DNER: variants seen among roughly 807,000 people sequenced by gnomAD.
DNER encodes the protein delta/notch like EGF repeat containing.
Under a neutral mutation model 78.2 loss-of-function variants are expected in DNER, and 33 were observed. That is an observed-to-expected ratio of 0.42 (90% CI 0.32 to 0.56). DNER has a LOEUF of 0.56. Among genes scored for constraint, DNER ranks in the 20% least tolerant of loss-of-function variants. The pLI is 0.11. For missense variants in DNER, 918 were observed against 975.3 expected (o/e 0.94, Z 0.78); for synonymous variants, 417 against 384.8 (o/e 1.08, Z -0.98).
At chr2:229,512,209 C>T (rs540504737) in intron 6 of DNER, among the ~76,000 whole-genome samples, 1 of 151,870 alleles carries the variant, frequency 6.6e-6, no homozygotes, top group African/African-American at 2.4e-5. Context: ...ATGATGAAAC[C>T]CCATCTCTAC....
At chr2:229,614,058 A>G (rs2154215277) in intron 1 of DNER, among the ~76,000 whole-genome samples, 1 of 151,800 alleles carries the variant, frequency 6.6e-6, no homozygotes, top group African/African-American at 2.4e-5. Context: ...GGATAGCATT[A>G]GGAGATATAC....
intron 12 of DNER, among the ~76,000 whole-genome samples, chr2:229,366,248 G>C (rs1443075609): frequency 1.3e-5 from 2 of 152,188 alleles, no homozygotes; most frequent in Non-Finnish European, 2.9e-5. Context: ...AGGAGGGAGA[G>C]TTATCCCTTT....
At chr2:229,438,882 TTCAG>T (rs1559351941) in intron 8 of DNER, among the ~76,000 whole-genome samples, 1 of 152,208 alleles carries the variant, frequency 6.6e-6, no homozygotes, top group East Asian at 1.9e-4. Flanking sequence ...AGAAAAATTT[TTCAG>T]TCAGTTATTT....
chr2:229,507,590 G>C (rs1695771129), intron 6 of DNER, among the ~76,000 whole-genome samples: 1 of 152,176 alleles, frequency 6.6e-6, no homozygotes, highest in Non-Finnish European at 1.5e-5. Flanking sequence ...CAGCTATTTA[G>C]TTATTCCAAA....
intron 5 of DNER, among the ~76,000 whole-genome samples, chr2:229,535,951 A>T (rs1340563201): frequency 6.6e-6 from 1 of 152,132 alleles, no homozygotes; most frequent in East Asian, 1.9e-4. Flanking sequence ...GCCCAGACTG[A>T]TTTTTAAAAT....
chr2:229,609,568 T>G (rs533546424), intron 1 of DNER, among the ~76,000 whole-genome samples: 162 of 152,242 alleles, frequency 1.1e-3, no homozygotes, highest in African/African-American at 3.0e-3. Flanking sequence ...CACAGAGACC[T>G]TGTAGCTCAC....
In DNER at chr2:229,591,642, G is replaced by A; in HGVS notation, c.523C>T (p.Leu175=). ...CCTGTTTTCGGCTGCCAGGTAGGCA[G>A]TGTCACCGTTGCCTGAGAGCGAGGC... ...ILPRSQATVT[L]PTWQPKTGQK... Residue 175 remains leucine (L), a synonymous_variant, in exon 2 of 13, where the codon CTG becomes TTG. Transcript: ENST00000341772. This position sits in a 1 kb window ranked among gnomAD's most constrained non-coding sequence, Gnocchi z 4.6. 1 of 1,614,212 alleles carries A rather than the reference G, an allele frequency of 6.2e-7. No individual in the cohort carries two copies. The highest frequency in any genetic ancestry group is 8.5e-7 in the Non-Finnish European group (1 of 1,180,030).
chr2:229,410,573 C>T (rs777011513), intron 9 of DNER, among the ~76,000 whole-genome samples: 16 of 152,186 alleles, frequency 1.1e-4, no homozygotes, highest in Non-Finnish European at 2.1e-4. Flanking sequence ...GCAGAAGACA[C>T]AGCACGTACT....
At chr2:229,570,201 T>C (rs960279370) in intron 4 of DNER, among the ~76,000 whole-genome samples, 2 of 152,252 alleles carry the variant, frequency 1.3e-5, no homozygotes, top group East Asian at 3.8e-4. Flanking sequence ...AGTAAACATT[T>C]ATTGCATACC....
Position 229,370,257 on chromosome 2 carries a change from C to T in DNER, c.1856-3138G>A, listed in dbSNP as rs563019688. Among the ~76,000 whole-genome samples, 11 of 152,286 alleles carry T rather than the reference C, an allele frequency of 7.2e-5. No individual in the cohort carries two copies. The East Asian group carries it at 9.6e-4, about 13-fold the overall frequency. ...TAGAAGCTAACAGAAAAATGACCCA[C>T]GTGCCCATCCTGGATGCTTCCTGAG... On this transcript the variant is annotated intron_variant, in intron 11 of 12. Coordinates refer to ENST00000341772, the MANE Select transcript of DNER (RefSeq NM_139072.4).
In DNER at chr2:229,502,351, G is replaced by A. The variant is rs118049037; in HGVS notation, c.1147+10432C>T. On this transcript the variant is annotated intron_variant, in intron 6 of 12. Coordinates refer to ENST00000341772, the MANE Select transcript of DNER (RefSeq NM_139072.4). The stretch of plus-strand genomic sequence containing the variant: ...GGTGGATATGGGATATGGGGGCACC[G>A]CAGCAGTGCAGAGATGGGCTGAACC... 7.7e-4 allele frequency among the ~76,000 whole-genome samples: 117 copies of A among 152,294 alleles called. No homozygotes were observed. In the East Asian group the frequency reaches 0.011, roughly 14 times the overall value.
At chr2:229,464,072 A>G (rs1021076609) in intron 7 of DNER, among the ~76,000 whole-genome samples, 1 of 152,192 alleles carries the variant, frequency 6.6e-6, no homozygotes, top group African/African-American at 2.4e-5. Context: ...GGCTTTTCCA[A>G]CTGGGCCTGA....
At chr2:229,428,960 G>C (rs1693945275) in intron 8 of DNER, among the ~76,000 whole-genome samples, 1 of 152,144 alleles carries the variant, frequency 6.6e-6, no homozygotes, top group African/African-American at 2.4e-5. Context: ...AAGCCAAAAA[G>C]ATAAAATAGA....
chr2:229,515,645 TTA>T (rs768044844), intron 5 of DNER, among the ~76,000 whole-genome samples: 9,280 of 77,276 alleles, frequency 0.12, 514 homozygotes, highest in South Asian at 0.23. Flanking sequence ...CTTTATTTTT[TTA>T]TTTTTTTTTT....
chr2:229,684,169 A>AGTGT (rs59016911), intron 1 of DNER, among the ~76,000 whole-genome samples: 5,280 of 94,354 alleles, frequency 0.056, 157 homozygotes, highest in Non-Finnish European at 0.085. Context: ...AGAGAGAGAG[A>AGTGT]GTGTGTGTGT....
intron 4 of DNER, among the ~76,000 whole-genome samples, chr2:229,562,459 T>C (rs1272836461): frequency 6.6e-6 from 1 of 152,232 alleles, no homozygotes; most frequent in Non-Finnish European, 1.5e-5. Context: ...TATAAACATG[T>C]ATATTCTATA....
chr2:229,372,057 G>A (rs572844498), intron 11 of DNER, among the ~76,000 whole-genome samples: 23 of 152,298 alleles, frequency 1.5e-4, no homozygotes, highest in African/African-American at 2.6e-4. Flanking sequence ...GAATGAATGC[G>A]AAAAGGGAAT....
chr2:229,358,386 T>C lies in DNER; in HGVS notation c.*154A>G. The C allele has an allele frequency of 1.6e-6, 1 of 629,658 alleles. No individual in the cohort carries two copies. The highest frequency in any genetic ancestry group is 3.4e-5 in the South Asian group (1 of 29,654). 39.0% of individuals were successfully genotyped at this position (629,658 alleles called of 1,614,324 possible). ...ACAAATTTTGTTTTTAAAATATTTT[T>C]TCCAAACTAAAAGCTGCAGAAAATT... On this transcript the variant is annotated 3_prime_UTR_variant, in exon 13 of 13. Transcript: ENST00000341772.
intron 1 of DNER, among the ~76,000 whole-genome samples, chr2:229,690,168 A>G (rs749156916): frequency 2.0e-5 from 3 of 152,194 alleles, no homozygotes; most frequent in Non-Finnish European, 4.4e-5. Context: ...TGAGACACCA[A>G]TCCCAAAGAT....
Sources: gnomAD v4.1 joint callset for allele counts (sites outside exome capture counted in the v4.1 genomes callset) on GRCh38, gnomAD v4.1.1 for gene constraint, Gnocchi (gnomAD v3.1) non-coding constraint, MANE v1.5 for transcripts, NCBI Gene and HGNC (gene_info 2026-07-23, HGNC 2026-07-21) for gene names.